ZSCAN5A: variants seen among roughly 807,000 people sequenced by gnomAD.
ZSCAN5A encodes zinc finger and SCAN domain containing 5A, also known as zinc finger and SCAN domain-containing protein 5A.
A neutral mutation model predicts 23.7 loss-of-function variants in ZSCAN5A; 12 were observed. The ratio of observed to expected loss-of-function variants is 0.51; its 90% CI spans 0.32 to 0.82. ZSCAN5A has a LOEUF of 0.82. ZSCAN5A is among the 40% of genes least tolerant of loss of function. The pLI is 0.03. For synonymous variants in ZSCAN5A, 257 were observed against 239.9 expected, an observed-to-expected ratio of 1.07 and a Z score of -0.66; for missense variants, 597 against 617.9, an observed-to-expected ratio of 0.97 and a Z score of 0.36.
intron 2 of ZSCAN5A, among the ~76,000 whole-genome samples, chr19:56,255,724 T>A (rs1255897193): frequency 1.3e-5 from 2 of 152,034 alleles, no homozygotes; most frequent in African/African-American, 4.8e-5. Context: ...TGGTGTCGTC[T>A]ATTCTCAGGG....
At chr19:56,286,512 T>G (rs899128648) in intron 2 of ZSCAN5A, 2 of 152,136 alleles carry the variant, frequency 1.3e-5, no homozygotes, top group African/African-American at 4.8e-5. Context: ...TTTATACCGC[T>G]TGAGTAAGTG....
intron 2 of ZSCAN5A, among the ~76,000 whole-genome samples, chr19:56,348,393 C>T (rs1032773838): frequency 6.6e-5 from 10 of 152,270 alleles, no homozygotes; most frequent in Admixed American, 2.0e-4. Context: ...AGAAAAGCCT[C>T]CAAGTTAACC....
chr19:56,292,720 AT>A (rs1177822767), intron 2 of ZSCAN5A, among the ~76,000 whole-genome samples: 1 of 151,958 alleles, frequency 6.6e-6, no homozygotes, highest in African/African-American at 2.4e-5. Context: ...GTCAGTCCCC[AT>A]TCTCCCTCTG....
intron 2 of ZSCAN5A, among the ~76,000 whole-genome samples, chr19:56,255,538 CCTCT>C (rs1371177709): frequency 1.3e-5 from 2 of 152,144 alleles, no homozygotes; most frequent in South Asian, 2.1e-4. Context: ...TGTTTCACTC[CCTCT>C]AACGGGTCCA....
intron 2 of ZSCAN5A, among the ~76,000 whole-genome samples, chr19:56,253,589 GAC>G (rs1487872258): frequency 6.7e-6 from 1 of 149,198 alleles, no homozygotes; most frequent in Non-Finnish European, 1.5e-5. Context: ...GTGCTGGCAA[GAC>G]ACACACTGGC....
At chr19:56,261,456 C>A (rs1230443530) in intron 2 of ZSCAN5A, among the ~76,000 whole-genome samples, 1 of 152,166 alleles carries the variant, frequency 6.6e-6, no homozygotes, top group Non-Finnish European at 1.5e-5. Context: ...TTCTCCCAAG[C>A]ATGGCCCCCA....
At position 56,279,385 on chromosome 19, in the gene ZSCAN5A, C is replaced by T. The variant is rs917378381; in HGVS notation, c.-128+33898G>A. Among the ~76,000 whole-genome samples, 10 of 152,184 alleles carry T rather than the reference C, an allele frequency of 6.6e-5. No individual in the cohort carries two copies. The East Asian group carries it at 7.7e-4, about 12-fold the overall frequency. ...TCCTATAGCCTAGCAAAATTCCTAGCGCTCAGTAGGACTAAATAAATGGAA... is the reference window on the plus strand; with the variant it reads ...TCCTATAGCCTAGCAAAATTCCTAGTGCTCAGTAGGACTAAATAAATGGAA... On this transcript the variant is annotated intron_variant, in intron 2 of 5. Coordinates refer to ENST00000683990, the MANE Select transcript of ZSCAN5A (RefSeq NM_001322064.3).
rs1300965283 is a variant in ZSCAN5A, at chr19:56,280,566, T to C, written c.-128+32717A>G. The C allele has an allele frequency of 2.6e-5, 4 of 152,316 alleles. 1 individual carries two copies. Among genetic ancestry groups the C allele is most frequent in the Middle Eastern group, 6.8e-3 (2 of 294 alleles). The allele number at this position is 152,316 out of a possible 1,614,324, so 9.4% of individuals were successfully genotyped here. A position where few individuals can be genotyped will look rare whatever the true frequency, so the allele number is the denominator to read the frequency against. ...GATATAACCACTGTCGTAGTCTGTT[T>C]TGGGCTGCCATAACAGAATACCTGA... On this transcript the variant is annotated intron_variant, in intron 2 of 5. Transcript: ENST00000683990.
At chr19:56,279,350 A>G (rs533316677) in intron 2 of ZSCAN5A, among the ~76,000 whole-genome samples, 6 of 152,248 alleles carry the variant, frequency 3.9e-5, no homozygotes, top group African/African-American at 1.4e-4. Flanking sequence ...ACTTTACTCA[A>G]TCTGTTTATT....
chr19:56,278,038 G>GA (rs2147027849), intron 2 of ZSCAN5A, among the ~76,000 whole-genome samples: 1 of 151,690 alleles, frequency 6.6e-6, no homozygotes, highest in Non-Finnish European at 1.5e-5. Flanking sequence ...AAATCTCTTT[G>GA]ATGTCTAGTT....
intron 2 of ZSCAN5A, chr19:56,284,212 T>C (rs1426991196): frequency 1.0e-6 from 1 of 984,810 alleles, no homozygotes; most frequent in African/African-American, 1.7e-5. Context: ...CATAGGTAAG[T>C]ACCTTGCCAC....
intron 2 of ZSCAN5A, among the ~76,000 whole-genome samples, chr19:56,325,169 T>G (rs982669454): frequency 1.3e-5 from 2 of 152,244 alleles, no homozygotes; most frequent in African/African-American, 4.8e-5. Context: ...CATTGCAATT[T>G]GCTTATTATA....
rs1253464057 is a variant in ZSCAN5A, at chr19:56,224,526, G to T, written c.384+137C>A. The T allele has an allele frequency of 9.1e-5, 104 of 1,145,438 alleles. 9 individuals carry two copies. The highest frequency in any genetic ancestry group is 1.3e-4 in the Non-Finnish European group (101 of 807,306). The allele number at this position is 1,145,438 out of a possible 1,614,324, so 71.0% of individuals were successfully genotyped here. On this transcript the variant is annotated intron_variant, in intron 3 of 5. Coordinates refer to ENST00000683990, the MANE Select transcript of ZSCAN5A (RefSeq NM_001322064.3). Reference sequence around the variant, plus strand: ...AAACTGTCCCCAGACACTGCCATGTGTCCCCGACGGGCAAACTCTCCTCTA... The same window carrying T: ...AAACTGTCCCCAGACACTGCCATGTTTCCCCGACGGGCAAACTCTCCTCTA...
intron 2 of ZSCAN5A, among the ~76,000 whole-genome samples, chr19:56,228,678 C>T (rs893839385): frequency 3.3e-5 from 5 of 151,774 alleles, no homozygotes; most frequent in Admixed American, 3.3e-4. Context: ...TTGAGCAAAG[C>T]TCTCACATAT....
At chr19:56,271,738 C>T (rs2037865012) in intron 2 of ZSCAN5A, among the ~76,000 whole-genome samples, 1 of 152,164 alleles carries the variant, frequency 6.6e-6, no homozygotes, top group South Asian at 2.1e-4. Context: ...CCTTCCAGGA[C>T]ACTACACACA....
intron 2 of ZSCAN5A, among the ~76,000 whole-genome samples, chr19:56,293,521 G>C (rs1348737913): frequency 6.6e-6 from 1 of 152,244 alleles, no homozygotes; most frequent in Non-Finnish European, 1.5e-5. Context: ...CTGGCAGAGA[G>C]TGTGCACTGT....
At position 56,314,740 on chromosome 19, in the gene ZSCAN5A, G is replaced by C. The variant is rs1331125342; in HGVS notation, c.-289C>G. The stretch of plus-strand genomic sequence containing the variant: ...AGTGACGGTCAAGCCACCTACAACC[G>C]GTCCCAAAGCCGCAAACGAGTCAGG... On this transcript the variant is annotated 5_prime_UTR_variant, in exon 1 of 6. Transcript: ENST00000683990. 6.6e-6 allele frequency: 1 copy of C among 152,292 alleles called. No individual in the cohort carries two copies. The highest frequency in any genetic ancestry group is 1.5e-5 in the Non-Finnish European group (1 of 68,084). The allele number at this position is 152,292 out of a possible 1,614,324, so 9.4% of individuals were successfully genotyped here.
intron 2 of ZSCAN5A, among the ~76,000 whole-genome samples, chr19:56,291,173 A>C (rs925029576): frequency 6.6e-6 from 1 of 152,184 alleles, no homozygotes; most frequent in African/African-American, 2.4e-5. Flanking sequence ...TGAGTTGTAC[A>C]TATTTGTTGG....
intron 2 of ZSCAN5A, among the ~76,000 whole-genome samples, chr19:56,354,252 C>T (rs539259070): frequency 7.3e-4 from 108 of 147,276 alleles, no homozygotes; most frequent in Admixed American, 1.5e-3. Context: ...ATTTACTGAA[C>T]CGGACACTTA....
Sources: gnomAD v4.1 joint callset for allele counts (sites outside exome capture counted in the v4.1 genomes callset) on GRCh38, gnomAD v4.1.1 for gene constraint, MANE v1.5 for transcripts, NCBI Gene and HGNC (gene_info 2026-07-23, HGNC 2026-07-21) for gene names.